Variants in RIMS2 observed in about 807,000 individuals in gnomAD.
The protein encoded by RIMS2 is regulating synaptic membrane exocytosis 2, also known as regulating synaptic membrane exocytosis protein 2.
Under a neutral mutation model 174.4 loss-of-function variants are expected in RIMS2, and 59 were observed. That is an observed-to-expected ratio of 0.34 (90% confidence interval 0.27 to 0.42). RIMS2 has a LOEUF of 0.42. Ranked by LOEUF, RIMS2 falls within the 10% of genes least tolerant of loss-of-function variation. The pLI is 1.00. For synonymous variants in RIMS2, 606 were observed against 572.5 expected (o/e 1.06, Z -0.84); for missense variants, 1,620 against 1,666.3 (o/e 0.97, Z 0.48).
intron 14 of RIMS2, among the ~76,000 whole-genome samples, chr8:103,957,371 A>G (rs1215498125): frequency 2.0e-5 from 3 of 152,184 alleles, no homozygotes; most frequent in African/African-American, 7.2e-5. Context: ...CAATGAATCA[A>G]TGATAGACTG....
At chr8:103,624,408 C>T (rs74484943) in intron 1 of RIMS2, among the ~76,000 whole-genome samples, 1 of 152,310 alleles carries the variant, frequency 6.6e-6, no homozygotes, top group African/African-American at 2.4e-5. Flanking sequence ...CTAGTTCTCA[C>T]ACCTTCAGAC....
intron 3 of RIMS2, among the ~76,000 whole-genome samples, chr8:103,824,072 T>C (rs1465574475): frequency 6.6e-6 from 1 of 152,094 alleles, no homozygotes; most frequent in Non-Finnish European, 1.5e-5. Context: ...TGTGTGTCAT[T>C]AGTATTTTCA....
At chr8:103,623,642 G>A (rs2095697364) in intron 1 of RIMS2, among the ~76,000 whole-genome samples, 1 of 147,906 alleles carries the variant, frequency 6.8e-6, no homozygotes, top group Non-Finnish European at 1.5e-5. Context: ...CCGCCACCAC[G>A]CCCGGCTAAT....
In RIMS2 at chr8:103,636,085, C is replaced by T. The variant is rs7841574; in HGVS notation, c.177-61001C>T. The stretch of plus-strand genomic sequence containing the variant: ...ACTCTCCAAAGTGTAAAGGCTGGAA[C>T]GGCTAAGATGCCTTAACAGCAAAGA... On this transcript the variant is annotated intron_variant, in intron 1 of 23. Transcript: ENST00000504942. Among the ~76,000 whole-genome samples, 774 of 152,246 alleles carry T rather than the reference C, an allele frequency of 5.1e-3. 7 individuals are homozygous for T. Among genetic ancestry groups the T allele is most frequent in the African/African-American group, 0.017 (727 of 41,544 alleles).
At chr8:103,858,653 A>C (rs1010669324) in intron 3 of RIMS2, among the ~76,000 whole-genome samples, 1 of 151,098 alleles carries the variant, frequency 6.6e-6, no homozygotes, top group East Asian at 1.9e-4. Context: ...TAGTATAGGA[A>C]ACCTTAACCA....
chr8:104,211,595 C>T (rs1418141313), intron 19 of RIMS2, among the ~76,000 whole-genome samples: 4 of 147,896 alleles, frequency 2.7e-5, no homozygotes, highest in East Asian at 2.0e-4. Context: ...GACAGAGTTT[C>T]GCTCTGTTGC....
At chr8:103,534,270 G>A (rs1360043814) in intron 1 of RIMS2, among the ~76,000 whole-genome samples, 1 of 152,160 alleles carries the variant, frequency 6.6e-6, no homozygotes, top group Non-Finnish European at 1.5e-5. Context: ...CAATAGTTAA[G>A]TAGTGAGCTC....
At chr8:103,705,912 T>A (rs1248093696) in intron 2 of RIMS2, among the ~76,000 whole-genome samples, 3 of 151,920 alleles carry the variant, frequency 2.0e-5, no homozygotes, top group Admixed American at 2.0e-4. Flanking sequence ...GATAGTATTA[T>A]TGATCAGTAA....
At chr8:103,809,438 G>C (rs907537722) in intron 3 of RIMS2, among the ~76,000 whole-genome samples, 2 of 151,924 alleles carry the variant, frequency 1.3e-5, no homozygotes, top group African/African-American at 4.8e-5. Context: ...TGTAAGGGCT[G>C]GATGGTGTCC....
At chr8:103,840,352 T>G (rs4734733) in intron 3 of RIMS2, among the ~76,000 whole-genome samples, 2 of 151,970 alleles carry the variant, frequency 1.3e-5, no homozygotes, top group Non-Finnish European at 2.9e-5. Flanking sequence ...TCTAAAAATC[T>G]TTGGTTATTT....
chr8:104,166,692 T>C (rs1371199944), intron 19 of RIMS2, among the ~76,000 whole-genome samples: 1 of 151,808 alleles, frequency 6.6e-6, no homozygotes, highest in Non-Finnish European at 1.5e-5. Context: ...GAGATAGAGT[T>C]ATAAATATAA....
At chr8:103,575,800 G>T (rs1480175492) in intron 1 of RIMS2, among the ~76,000 whole-genome samples, 2 of 151,810 alleles carry the variant, frequency 1.3e-5, no homozygotes, top group African/African-American at 4.8e-5. Context: ...ACTCTGAACG[G>T]ATTAAGAGAA....
At chr8:103,844,717 C>T (rs1242736897) in intron 3 of RIMS2, among the ~76,000 whole-genome samples, 2 of 151,790 alleles carry the variant, frequency 1.3e-5, no homozygotes, top group East Asian at 3.9e-4. Flanking sequence ...TTTCTTTGGA[C>T]ATTTTTCAGT....
intron 19 of RIMS2, among the ~76,000 whole-genome samples, chr8:104,118,362 G>T (rs1409288992): frequency 4.9e-4 from 53 of 108,562 alleles, no homozygotes; most frequent in East Asian, 1.6e-3. Context: ...TTGTTTTTTT[G>T]TTTTTTTGTT....
At chr8:103,862,347 A>C (rs2154501021) in intron 3 of RIMS2, among the ~76,000 whole-genome samples, 1 of 151,878 alleles carries the variant, frequency 6.6e-6, no homozygotes, top group East Asian at 1.9e-4. Context: ...GTCTATTTTT[A>C]TATTAATTCC....
chr8:103,819,386 C>A, intron 3 of RIMS2: 1 of 1,557,942 alleles, frequency 6.4e-7, no homozygotes, highest in South Asian at 1.2e-5. Context: ...ACAGTTTTTA[C>A]AGAGCTCAGG....
At chr8:103,916,290 A>G in intron 7 of RIMS2, 124 bp from the exon 11 acceptor site, 2 of 570,434 alleles carry the variant, frequency 3.5e-6, no homozygotes, top group South Asian at 3.2e-5. Flanking sequence ...TGTTCTCAGT[A>G]TGTTTCGTAT....
At chr8:103,815,125 A>G (rs760640432) in intron 3 of RIMS2, among the ~76,000 whole-genome samples, 1 of 152,132 alleles carries the variant, frequency 6.6e-6, no homozygotes, top group Non-Finnish European at 1.5e-5. Flanking sequence ...GAGATAATCA[A>G]TATTATCATT....
At position 103,912,694 on chromosome 8, in the gene RIMS2, T is replaced by C. The variant is rs73293869; in HGVS notation, c.1812+522T>C. Reference sequence around the variant, plus strand: ...TGAATTCTAAAAACAAAAATAATTATGCTGGGAGATTAAATACAAATATTG... The same window carrying C: ...TGAATTCTAAAAACAAAAATAATTACGCTGGGAGATTAAATACAAATATTG... On this transcript the variant is annotated intron_variant, in intron 6 of 23. Transcript: ENST00000504942. Among the ~76,000 whole-genome samples the C allele has an allele frequency of 4.6e-3, 698 of 152,236 alleles. 7 individuals are homozygous for C. Among genetic ancestry groups the C allele is most frequent in the African/African-American group, 0.016 (661 of 41,552 alleles).
Sources: gnomAD v4.1 joint callset for allele counts (sites outside exome capture counted in the v4.1 genomes callset) on GRCh38, gnomAD v4.1.1 for gene constraint, MANE v1.5 for transcripts, NCBI Gene and HGNC (gene_info 2026-07-23, HGNC 2026-07-21) for gene names.